The following MMP25 variants were observed in gnomAD, a reference collection of about 807,000 sequenced individuals.
MMP25 encodes matrix metalloproteinase-25.
Under a neutral mutation model 62.1 loss-of-function variants are expected in MMP25, and 68 were observed. The ratio of observed to expected loss-of-function variants is 1.10; its 90% CI spans 0.90 to 1.34. MMP25 has a LOEUF of 1.34. Ranked by LOEUF, MMP25 falls within the 40% of genes most tolerant of loss-of-function variation. The pLI, the probability that MMP25 is intolerant of heterozygous loss-of-function variation, is 0.00. For synonymous variants in MMP25, 407 were observed against 345.6 expected, an observed-to-expected ratio of 1.18 and a Z score of -1.97; for missense variants, 942 against 792.5, an observed-to-expected ratio of 1.19 and a Z score of -2.26.
At chr16:3,055,667 G>A (rs1376220150) in intron 4 of MMP25, 1 of 351,710 alleles carries the variant, frequency 2.8e-6, no homozygotes, top group African/African-American at 2.1e-5. Context: ...GTGGCTTTAG[G>A]GACCGAGAGA....
At chr16:3,050,778 A>AT (rs550111950) in intron 4 of MMP25, among the ~76,000 whole-genome samples, 15 of 151,830 alleles carry the variant, frequency 9.9e-5, no homozygotes, top group African/African-American at 1.7e-4. Context: ...ATACCTGGCT[A>AT]TTTTTTTTGT....
At position 3,057,352 on chromosome 16, in the gene MMP25, C is replaced by G. The variant is rs377077970; in HGVS notation, c.881C>G (p.Pro294Arg). 2.9e-5 allele frequency: 47 copies of G among 1,613,742 alleles called. No individual in the cohort carries two copies. In the African/African-American group the frequency reaches 5.3e-4, roughly 18 times the overall value. The change falls in exon 6 of 10, where the codon CCC becomes CGC. Residue 294 changes from proline (P) to arginine (R), a missense_variant. By Grantham distance (103) the Pro-to-Arg change is moderately radical. Transcript: ENST00000336577. ...CCATATGACAAGCCCACAAGGAAAC[C>G]CCTGGCTCCTCCGCCCCAGCCCCCG... ...QTPYDKPTRK[P>R]LAPPPQPPAS...
At chr16:3,047,663 A>C in intron 2 of MMP25, 116 bp downstream of exon 2, 44 of 1,224,378 alleles carry the variant, frequency 3.6e-5, no homozygotes, top group African/African-American at 4.5e-5. Flanking sequence ...TGCTGATCTC[A>C]GGCCCCAAAC....
chr16:3,057,182 G>T lies in MMP25; in HGVS notation c.811G>T (p.Asp271Tyr), dbSNP rs1286077191. ...DPDKYRLSQD[D>Y]RDGLQQLYGK... ...TGACAAGTACCGCCTGTCTCAGGAT[G>T]ACCGCGATGGCCTGCAGCAACTCTA... Residue 271 changes from aspartate to tyrosine, a missense_variant, in exon 5 of 10, where the codon GAC becomes TAC. Asp to Tyr is a radical substitution (Grantham distance 160). Coordinates refer to ENST00000336577, the MANE Select transcript of MMP25 (RefSeq NM_022468.5). 6 of 1,612,620 alleles carry T rather than the reference G, an allele frequency of 3.7e-6. No homozygotes were observed. The highest frequency in any genetic ancestry group is 1.7e-5 in the Admixed American group (1 of 59,802).
chr16:3,053,189 C>A (rs1401371130), intron 4 of MMP25: 178 of 152,274 alleles, frequency 1.2e-3, no homozygotes, highest in African/African-American at 3.9e-3. Context: ...TGGGCTTCGG[C>A]TGGGCGTGGT....
chr16:3,058,573 GAGGC>G lies in MMP25; in HGVS notation c.1322_1325del (p.Glu441GlyfsTer13), dbSNP rs1956058110. On this transcript the variant is annotated frameshift_variant, in exon 9 of 10. Coordinates refer to ENST00000336577, the MANE Select transcript of MMP25 (RefSeq NM_022468.5). LOFTEE classifies it high-confidence loss of function. Reference sequence around the variant, plus strand: ...CGGCCGGCAGTACTGGCGCTACGACGAGGCGGCGGCGCGCCCGGACCCCGGCTAC... The same window carrying G: ...CGGCCGGCAGTACTGGCGCTACGACGGGCGGCGCGCCCGGACCCCGGCTAC... 4.3e-6 allele frequency: 7 copies of G among 1,609,390 alleles called. 1 individual carries two copies. The South Asian group carries it at 7.7e-5, about 18-fold the overall frequency.
At chr16:3,047,633 G>A in intron 2 of MMP25, 86 bp downstream of exon 2, 2 of 1,447,058 alleles carry the variant, frequency 1.4e-6, no homozygotes, top group Non-Finnish European at 1.9e-6. Flanking sequence ...GTGTGCTCCT[G>A]GAACACGGAG....
chr16:3,057,770 C>A, intron 7 of MMP25, 157 bp downstream of exon 7: 1 of 693,326 alleles, frequency 1.4e-6, no homozygotes. Context: ...GTGATCATGG[C>A]TCACTGCAGC....
At chr16:3,053,232 G>C (rs1187407386) in intron 4 of MMP25, 1 of 152,632 alleles carries the variant, frequency 6.6e-6, no homozygotes. Context: ...TACTCAGGAG[G>C]CTAAGGCAGG....
chr16:3,058,776 C>T, intron 9 of MMP25, 51 bp from the exon 10 acceptor site: 1 of 1,488,518 alleles, frequency 6.7e-7, no homozygotes, highest in South Asian at 1.3e-5. Flanking sequence ...CCTTGGGCAT[C>T]AGGGAGCGGC....
intron 2 of MMP25, 53 bp downstream of exon 2, chr16:3,047,600 C>T (rs1955839365): frequency 1.3e-6 from 2 of 1,584,562 alleles, no homozygotes; most frequent in South Asian, 1.1e-5. Flanking sequence ...GCCTGTCCAC[C>T]GCCCAACAGC....
rs999334002 is a variant in MMP25, at chr16:3,058,188, G to A, written c.1014G>A (p.Trp338Ter). The stretch of plus-strand genomic sequence containing the variant: ...CCCCTTTGTCCCCTGCAGGCCCCTG[G>A]TTCTGGCGCCTCCAGCCCTCCGGAC... ...RGETFFFKGP[W>*]FWRLQPSGQL... Residue 338 changes from tryptophan to a stop codon, truncating the protein, a stop_gained, in exon 8 of 10, where the codon TGG becomes TGA. Transcript: ENST00000336577. LOFTEE classifies it high-confidence loss of function. 1.2e-6 allele frequency: 2 copies of A among 1,612,780 alleles called. No individual in the cohort carries two copies. The highest frequency in any genetic ancestry group is 2.2e-5 in the South Asian group (2 of 90,970).
At chr16:3,048,376 A>G (rs568964441) in intron 2 of MMP25, among the ~76,000 whole-genome samples, 1 of 152,328 alleles carries the variant, frequency 6.6e-6, no homozygotes, top group African/African-American at 2.4e-5. Flanking sequence ...AGTGATAAAT[A>G]AAGTAGGTAA....
At chr16:3,058,160 G>T (rs755926576) in intron 7 of MMP25, 21 bp from the exon 8 acceptor site, 2 of 1,606,308 alleles carry the variant, frequency 1.2e-6, no homozygotes, top group Non-Finnish European at 1.7e-6. Flanking sequence ...GCCTTCCTGC[G>T]AACCCCTTTG....
In MMP25 at chr16:3,047,036, G is replaced by A. The variant is rs1424544187; in HGVS notation, c.99+20G>A. 7.1e-7 allele frequency: 1 copy of A among 1,415,284 alleles called. No individual in the cohort carries two copies. Among genetic ancestry groups the A allele is most frequent in the Non-Finnish European group, 9.2e-7 (1 of 1,092,422 alleles). The allele number at this position is 1,415,284 out of a possible 1,614,324, so 87.7% of individuals were successfully genotyped here. A position where few individuals can be genotyped will look rare whatever the true frequency, so the allele number is the denominator to read the frequency against. On this transcript the variant is annotated intron_variant, in intron 1 of 9. Transcript: ENST00000336577. ...GGCGTGGTGAGCGCGGGGTCCGCAG[G>A]CTCCTGGGGTCTGCAGAGAGATTGG...
Position 3,057,615 on chromosome 16 carries a change from T to C in MMP25, c.1006+2T>C. 5.0e-6 allele frequency: 8 copies of C among 1,614,006 alleles called. No homozygotes were observed. The highest frequency in any genetic ancestry group is 6.8e-6 in the Non-Finnish European group (8 of 1,179,850). On this transcript the variant is annotated splice_donor_variant, in intron 7 of 9. Coordinates refer to ENST00000336577, the MANE Select transcript of MMP25 (RefSeq NM_022468.5). LOFTEE classifies it high-confidence loss of function. ...GAGGGGAAACTTTCTTCTTCAAAGG[T>C]GAGTCATTTCACTTGGCCTCATATA...
chr16:3,048,862 G>A (rs1184007054), intron 2 of MMP25, among the ~76,000 whole-genome samples: 1 of 150,190 alleles, frequency 6.7e-6, no homozygotes, highest in African/African-American at 2.5e-5. Flanking sequence ...CTGCAGTACA[G>A]TGGCGCAATC....
At chr16:3,049,673 C>T (rs1045343457) in intron 2 of MMP25, among the ~76,000 whole-genome samples, 1 of 152,226 alleles carries the variant, frequency 6.6e-6, no homozygotes, top group Non-Finnish European at 1.5e-5. Context: ...AGGGTCCTCA[C>T]TGCATACCCA....
Position 3,049,260 on chromosome 16 carries a change from G to A in MMP25, c.233-749G>A, listed in dbSNP as rs559114773. On this transcript the variant is annotated intron_variant, in intron 2 of 9. Coordinates refer to ENST00000336577, the MANE Select transcript of MMP25 (RefSeq NM_022468.5). ...GGCCAGAAGTAGTTGGATTCGGGGT[G>A]TATATTTTGGAGGCAGGGCCGAGGA... is the stretch of plus-strand genomic sequence containing the variant. 4.6e-5 allele frequency among the ~76,000 whole-genome samples: 7 copies of A among 152,182 alleles called. No individual in the cohort carries two copies. The East Asian group carries it at 1.4e-3, about 29-fold the overall frequency.
Sources: allele counts gnomAD v4.1 joint callset (sites outside exome capture counted in the v4.1 genomes callset), GRCh38; gene constraint gnomAD v4.1.1; transcripts MANE v1.5; gene names NCBI Gene and HGNC (gene_info 2026-07-23, HGNC 2026-07-21).